The following ULK2 variants were observed in gnomAD, a reference collection of about 807,000 sequenced individuals.
ULK2 encodes the protein serine/threonine-protein kinase ULK2.
In ULK2, 76 loss-of-function variants were observed where a neutral mutation model predicts 127.5. That is an observed-to-expected ratio of 0.60 (90% CI 0.50 to 0.72). The LOEUF (loss-of-function observed/expected upper bound fraction) is 0.72, where lower values mean the gene tolerates loss of function less well. ULK2 is among the 30% of genes least tolerant of loss of function. The pLI is 0.00. For synonymous variants in ULK2, 452 were observed against 461.9 expected (o/e 0.98, Z 0.28); for missense variants, 1,144 against 1,295.9 (o/e 0.88, Z 1.80).
chr17:19,782,164 T>C (rs932132955), intron 22 of ULK2, 97 bp from the exon 23 acceptor site: 5 of 1,197,048 alleles, frequency 4.2e-6, no homozygotes, highest in Non-Finnish European at 5.8e-6. Context: ...ATGTTTTCTA[T>C]ACTTATGAGT....
rs755922479 is a variant in ULK2, at chr17:19,773,203, G to T, written c.*3146C>A. On this transcript the variant is annotated 3_prime_UTR_variant, in exon 27 of 27. Coordinates refer to ENST00000395544, the MANE Select transcript of ULK2 (RefSeq NM_014683.4). ...GAGGAAGAAGAATCACTTGAACCTG[G>T]GAGGCAGAGGTTGCAGTGAGCCAAG... The T allele has an allele frequency of 2.0e-5, 3 of 152,110 alleles. No homozygotes were observed. The highest frequency in any genetic ancestry group is 2.9e-5 in the Non-Finnish European group (2 of 68,054). 9.4% of individuals were successfully genotyped at this position (152,110 alleles called of 1,614,324 possible). A position where few individuals can be genotyped will look rare whatever the true frequency, so the allele number is the denominator to read the frequency against.
intron 8 of ULK2, 69 bp from the exon 9 acceptor site, chr17:19,841,616 C>A: frequency 1.6e-6 from 2 of 1,228,180 alleles, no homozygotes; most frequent in Non-Finnish European, 2.2e-6. Flanking sequence ...ATGATTGACA[C>A]TCATATGCTT....
At chr17:19,836,477 G>A (rs2041601037) in intron 10 of ULK2, among the ~76,000 whole-genome samples, 1 of 152,046 alleles carries the variant, frequency 6.6e-6, no homozygotes, top group Admixed American at 6.6e-5. Flanking sequence ...AGCTACTTGG[G>A]AGGCTGAGGC....
chr17:19,791,050 A>G (rs1025790989), intron 20 of ULK2, among the ~76,000 whole-genome samples: 35 of 152,236 alleles, frequency 2.3e-4, no homozygotes, highest in African/African-American at 7.7e-4. Flanking sequence ...CCCCAATACA[A>G]TAGCTGGAAA....
At chr17:19,867,253 G>T in intron 1 of ULK2, 75 bp downstream of exon 1, 1 of 1,237,114 alleles carries the variant, frequency 8.1e-7, no homozygotes. Flanking sequence ...TCGGCTCGCG[G>T]CTGCGCCAAG....
intron 3 of ULK2, chr17:19,855,599 CAAAAAAAAAAA>C (rs72047415): frequency 1.5e-4 from 5 of 33,576 alleles, no homozygotes; most frequent in Non-Finnish European, 2.2e-4. Flanking sequence ...GACTCCATCT[CAAAAAAAAAAA>C]AAAAAAAAAA....
rs1243665594 is a variant in ULK2 at position 19,806,109 on chromosome 17, A to G, written c.1158-1279T>C. Among the ~76,000 whole-genome samples the G allele has an allele frequency of 5.3e-5, 8 of 152,212 alleles. No individual in the cohort carries two copies. The East Asian group carries it at 7.7e-4, about 15-fold the overall frequency. On this transcript the variant is annotated intron_variant, in intron 14 of 26. Coordinates refer to ENST00000395544, the MANE Select transcript of ULK2 (RefSeq NM_014683.4). ...AAACACAAACCCTCTACTACCACTA[A>G]AACAGCTTAACAGTACTTCACTAAT... is the stretch of plus-strand genomic sequence containing the variant.
chr17:19,843,802 G>A (rs536615449), intron 7 of ULK2, among the ~76,000 whole-genome samples: 3 of 151,676 alleles, frequency 2.0e-5, no homozygotes, highest in Non-Finnish European at 2.9e-5. Flanking sequence ...AGGATTACAC[G>A]CGCCTGCAAC....
chr17:19,810,254 A>C (rs1283818439), intron 14 of ULK2, 124 bp downstream of exon 14: 5 of 475,402 alleles, frequency 1.1e-5, no homozygotes, highest in South Asian at 7.9e-5. Flanking sequence ...AAAAAAAAAA[A>C]AAACCAGAAA....
intron 14 of ULK2, among the ~76,000 whole-genome samples, chr17:19,805,367 C>A (rs1281644758): frequency 4.6e-5 from 7 of 152,176 alleles, no homozygotes; most frequent in Non-Finnish European, 1.0e-4. Flanking sequence ...TCTTTAATAG[C>A]CTCTTTCCTC....
chr17:19,861,599 C>T (rs904092367), intron 3 of ULK2, among the ~76,000 whole-genome samples: 46 of 152,156 alleles, frequency 3.0e-4, no homozygotes, highest in African/African-American at 1.0e-3. Flanking sequence ...ACCTACTCTG[C>T]AATTGCCAGG....
chr17:19,811,785 A>G (rs527440540), intron 13 of ULK2, among the ~76,000 whole-genome samples: 2 of 152,242 alleles, frequency 1.3e-5, no homozygotes, highest in East Asian at 1.9e-4. Flanking sequence ...CATATACCCA[A>G]TGGGATTATC....
rs144524000 is a variant in ULK2, at chr17:19,842,745, T to C, written c.645+376A>G. Among the ~76,000 whole-genome samples, 126 of 152,116 alleles carry C rather than the reference T, an allele frequency of 8.3e-4. 2 individuals are homozygous for C. In the South Asian group the frequency reaches 9.8e-3, roughly 12 times the overall value. ...CCCTCTCACCTAGCAGTGTCAGAAA[T>C]AGAGAGCTAGAGATGGTTTCCAGAG... is the stretch of plus-strand genomic sequence containing the variant. On this transcript the variant is annotated intron_variant, in intron 8 of 26. Coordinates refer to ENST00000395544, the MANE Select transcript of ULK2 (RefSeq NM_014683.4).
At chr17:19,860,869 T>C (rs2042227189) in intron 3 of ULK2, 2 of 152,056 alleles carry the variant, frequency 1.3e-5, no homozygotes, top group Admixed American at 1.3e-4. Context: ...AAAGCATTGG[T>C]GGTTCAATGG....
Position 19,867,484 on chromosome 17 carries a change from G to C in ULK2, c.-67C>G, listed in dbSNP as rs1442336719. On this transcript the variant is annotated 5_prime_UTR_variant, in exon 1 of 27. Transcript: ENST00000395544. ...AGTGCGGCGCAGGTATCAGCACCGC[G>C]GCTCCGCGGGCCCGGAGCGCGCCAG... 1.5e-6 allele frequency: 2 copies of C among 1,302,390 alleles called. No homozygotes were observed. The highest frequency in any genetic ancestry group is 1.6e-5 in the African/African-American group (1 of 63,916). 80.7% of individuals were successfully genotyped at this position (1,302,390 alleles called of 1,614,324 possible).
chr17:19,833,772 T>C (rs953836924), intron 10 of ULK2, among the ~76,000 whole-genome samples: 1 of 151,672 alleles, frequency 6.6e-6, no homozygotes, highest in Non-Finnish European at 1.5e-5. Context: ...TCTGAAAAAC[T>C]CAAAGGAAAA....
chr17:19,838,462 A>G (rs1400402216), intron 10 of ULK2, 39 bp downstream of exon 10: 1 of 1,539,274 alleles, frequency 6.5e-7, no homozygotes, highest in Non-Finnish European at 8.9e-7. Context: ...ATATAACAAT[A>G]AAATTAGAAA....
intron 12 of ULK2, among the ~76,000 whole-genome samples, chr17:19,821,722 AG>A (rs2152391728): frequency 6.6e-6 from 1 of 152,172 alleles, no homozygotes; most frequent in Non-Finnish European, 1.5e-5. Flanking sequence ...TTTTTTTTAA[AG>A]GCTTCCTAAA....
chr17:19,818,950 G>A (rs1203015287), intron 12 of ULK2, among the ~76,000 whole-genome samples: 1 of 151,816 alleles, frequency 6.6e-6, no homozygotes, highest in African/African-American at 2.4e-5. Context: ...GCAGGCATCT[G>A]CCACCATGCC....
Sources: allele counts gnomAD v4.1 joint callset (sites outside exome capture counted in the v4.1 genomes callset), GRCh38; gene constraint gnomAD v4.1.1; transcripts MANE v1.5; gene names NCBI Gene and HGNC (gene_info 2026-07-23, HGNC 2026-07-21).